Variants in ECT2 observed in about 807,000 individuals in gnomAD.
The protein encoded by ECT2 is epithelial cell transforming 2, also known as protein ECT2.
ECT2 carries 61 observed loss-of-function variants against 116.9 expected under a neutral mutation model. The observed-to-expected ratio is 0.52, with a 90% CI of 0.42 to 0.65. The LOEUF is 0.65. Among genes scored for constraint, ECT2 ranks in the 30% least tolerant of loss-of-function variants. The pLI is 0.00. For missense variants in ECT2, 937 were observed against 1,078.7 expected (o/e 0.87, Z 1.84); for synonymous variants, 358 against 346.4 (o/e 1.03, Z -0.37).
chr3:172,789,107 T>C (rs993308814), intron 18 of ECT2, among the ~76,000 whole-genome samples: 7 of 151,150 alleles, frequency 4.6e-5, no homozygotes, highest in African/African-American at 1.7e-4. Flanking sequence ...CAGTAAGTTA[T>C]AGTCTTTTTG....
intron 11 of ECT2, among the ~76,000 whole-genome samples, chr3:172,763,191 G>A (rs1718680419): frequency 6.6e-6 from 1 of 152,200 alleles, no homozygotes; most frequent in Admixed American, 6.5e-5. Flanking sequence ...AATTCTTGGT[G>A]ATAACATTAC....
chr3:172,760,070 A>G, intron 6 of ECT2, 86 bp from the exon 7 acceptor site: 1 of 714,920 alleles, frequency 1.4e-6, no homozygotes, highest in Non-Finnish European at 2.2e-6. Flanking sequence ...GAAAGTATTT[A>G]GCAAATGCTA....
intron 15 of ECT2, 127 bp from the exon 16 acceptor site, chr3:172,783,672 A>C (rs554871563): frequency 9.5e-5 from 60 of 630,174 alleles, no homozygotes; most frequent in East Asian, 4.7e-4. Context: ...TCAAACATAG[A>C]AATTTACTTT....
Position 172,784,697 on chromosome 3 carries a change from T to C in ECT2, c.1729-10T>C. On this transcript the variant is annotated splice_polypyrimidine_tract_variant and intron_variant, in intron 16 of 24. Coordinates refer to ENST00000392692, the MANE Select transcript of ECT2 (RefSeq NM_001258315.2). ...ACCTTTTTTGAAATTGTTGAATAAA[T>C]TGTTTTCAGATAAACCAAGCAAAAC... is the stretch of plus-strand genomic sequence containing the variant. 1 of 1,608,242 alleles carries C rather than the reference T, an allele frequency of 6.2e-7. No individual in the cohort carries two copies. The highest frequency in any genetic ancestry group is 8.5e-7 in the Non-Finnish European group (1 of 1,175,060).
chr3:172,785,879 T>C (rs989944248), intron 17 of ECT2, among the ~76,000 whole-genome samples: 13 of 152,302 alleles, frequency 8.5e-5, no homozygotes, highest in African/African-American at 3.1e-4. Context: ...CCTTCATTAT[T>C]GTTTAAGTAC....
intron 20 of ECT2, among the ~76,000 whole-genome samples, chr3:172,804,500 A>G (rs906487905): frequency 4.6e-5 from 7 of 152,158 alleles, no homozygotes; most frequent in Non-Finnish European, 1.0e-4. Context: ...CTGATTGAGA[A>G]CAGATGCTAG....
At chr3:172,784,187 T>TA (rs1193384569) in intron 16 of ECT2, among the ~76,000 whole-genome samples, 1 of 152,044 alleles carries the variant, frequency 6.6e-6, no homozygotes, top group East Asian at 1.9e-4. Flanking sequence ...AATGTCAGCC[T>TA]ATAATCTTAG....
In ECT2 at chr3:172,798,748, CTT is replaced by C. The variant is rs1256281436; in HGVS notation, c.1908-3864_1908-3863del. ...ATTTGATTCCTCCACAATTTGAAAA[CTT>C]TTTGAGCATTCTTTTAGCAATATAG... is the stretch of plus-strand genomic sequence containing the variant. On this transcript the variant is annotated intron_variant, in intron 18 of 24. Transcript: ENST00000392692. 7.2e-5 allele frequency among the ~76,000 whole-genome samples: 11 copies of C among 152,166 alleles called. No homozygotes were observed. In the East Asian group the frequency reaches 2.1e-3, roughly 29 times the overall value.
chr3:172,827,110 G>C, the ECT2 span, among the ~76,000 whole-genome samples: 1 of 152,144 alleles, frequency 6.6e-6, no homozygotes, highest in African/African-American at 2.4e-5. Flanking sequence ...AGTAAAGATA[G>C]CTTTTATAAA....
At chr3:172,814,056 A>AATTAACATCCT (rs1475389883) in intron 22 of ECT2, among the ~76,000 whole-genome samples, 1 of 152,134 alleles carries the variant, frequency 6.6e-6, no homozygotes. Context: ...GACATTTACA[A>AATTAACATCCT]GTACTATTAA....
intron 18 of ECT2, among the ~76,000 whole-genome samples, chr3:172,800,875 A>G (rs1015674359): frequency 6.6e-6 from 1 of 152,210 alleles, no homozygotes; most frequent in Non-Finnish European, 1.5e-5. Flanking sequence ...AGAACAGTTC[A>G]TGTGCAGAAC....
At chr3:172,799,884 A>G (rs541286825) in intron 18 of ECT2, among the ~76,000 whole-genome samples, 4 of 152,176 alleles carry the variant, frequency 2.6e-5, no homozygotes, top group Non-Finnish European at 4.4e-5. Context: ...GCTAATACCT[A>G]TGGAATTAAC....
At chr3:172,806,659 T>G (rs1727801441) in intron 21 of ECT2, among the ~76,000 whole-genome samples, 1 of 146,022 alleles carries the variant, frequency 6.8e-6, no homozygotes, top group Non-Finnish European at 1.5e-5. Flanking sequence ...GGGTTTTTTT[T>G]TTTTTTTTTT....
chr3:172,751,299 C>T (rs746726675), intron 1 of ECT2, among the ~76,000 whole-genome samples: 50 of 152,188 alleles, frequency 3.3e-4, no homozygotes, highest in Non-Finnish European at 6.2e-4. Flanking sequence ...AAATCCAGGC[C>T]ATCCGCCCCT....
At chr3:172,789,321 A>G (rs1724220211) in intron 18 of ECT2, among the ~76,000 whole-genome samples, 1 of 148,862 alleles carries the variant, frequency 6.7e-6, no homozygotes, top group African/African-American at 2.5e-5. Flanking sequence ...CTCCCACCTC[A>G]TCCTCTTGAG....
rs1453146080 is a variant in ECT2, at chr3:172,790,273, A to G, written c.1907+3699A>G. ...CAGTTCAAGTTTAATAGAAACTGCA[A>G]AAGATAATTGGCTGATGCCCTCTAA... On this transcript the variant is annotated intron_variant, in intron 18 of 24. Coordinates refer to ENST00000392692, the MANE Select transcript of ECT2 (RefSeq NM_001258315.2). Among the ~76,000 whole-genome samples the G allele has an allele frequency of 6.6e-5, 10 of 152,184 alleles. No individual in the cohort carries two copies. The East Asian group carries it at 1.7e-3, about 26-fold the overall frequency.
intron 12 of ECT2, among the ~76,000 whole-genome samples, chr3:172,765,682 T>C (rs1233052205): frequency 6.6e-6 from 1 of 152,196 alleles, no homozygotes; most frequent in Non-Finnish European, 1.5e-5. Context: ...TTTAAAAATA[T>C]ATAAATTAGA....
Position 172,769,000 on chromosome 3 carries a change from G to T in ECT2, c.1292-7G>T. Reference sequence around the variant, plus strand: ...CCATTAAATCTTTCCACCTTTTAACGTTTCAGACACCCCAAAGTCTTGTAC... The same window carrying T: ...CCATTAAATCTTTCCACCTTTTAACTTTTCAGACACCCCAAAGTCTTGTAC... On this transcript the variant is annotated splice_polypyrimidine_tract_variant and splice_region_variant and intron_variant, in intron 12 of 24. Transcript: ENST00000392692. 1 of 1,588,138 alleles carries T rather than the reference G, an allele frequency of 6.3e-7. No individual in the cohort carries two copies. Among genetic ancestry groups the T allele is most frequent in the Non-Finnish European group, 8.6e-7 (1 of 1,166,974 alleles).
intron 12 of ECT2, among the ~76,000 whole-genome samples, chr3:172,767,625 A>G (rs1053643665): frequency 1.3e-5 from 2 of 152,288 alleles, no homozygotes; most frequent in African/African-American, 2.4e-5. Context: ...GCTTCTATAT[A>G]TAATGTTAAA....
Sources: gnomAD v4.1 joint callset for allele counts (sites outside exome capture counted in the v4.1 genomes callset) on GRCh38, gnomAD v4.1.1 for gene constraint, MANE v1.5 for transcripts, NCBI Gene and HGNC (gene_info 2026-07-23, HGNC 2026-07-21) for gene names.